The following TRDN variants were observed in gnomAD, a reference collection of about 807,000 sequenced individuals.
TRDN encodes triadin in skeletal muscle.
Under a neutral mutation model 149.7 loss-of-function variants are expected in TRDN, and 161 were observed. The ratio of observed to expected loss-of-function variants is 1.08; its 90% CI spans 0.95 to 1.23. The LOEUF (loss-of-function observed/expected upper bound fraction) is 1.23. Among genes scored for constraint, TRDN ranks in the 50% most tolerant of loss-of-function variants. The pLI, the probability that TRDN is intolerant of heterozygous loss-of-function variation, is 0.00. For synonymous variants in TRDN, 294 were observed against 250.5 expected (o/e 1.17, Z -1.64); for missense variants, 896 against 823.5 (o/e 1.09, Z -1.08).
chr6:123,297,359 T>C (rs997300175), intron 24 of TRDN, among the ~76,000 whole-genome samples: 5 of 152,094 alleles, frequency 3.3e-5, no homozygotes, highest in African/African-American at 1.2e-4. Flanking sequence ...TTGAAGAGAC[T>C]GTTTAGTAGC....
chr6:123,319,631 C>T (rs2114705128), intron 23 of TRDN, among the ~76,000 whole-genome samples: 1 of 152,176 alleles, frequency 6.6e-6, no homozygotes, highest in East Asian at 1.9e-4. Flanking sequence ...ATTCTGTCTT[C>T]ACTGTTTAAT....
At chr6:123,513,667 A>G (rs898523179) in intron 6 of TRDN, among the ~76,000 whole-genome samples, 1 of 152,200 alleles carries the variant, frequency 6.6e-6, no homozygotes, top group South Asian at 2.1e-4. Context: ...AAAATAAGAA[A>G]ATAAACATGA....
chr6:123,574,893 TACAC>T (rs1321883957), intron 1 of TRDN, among the ~76,000 whole-genome samples: 1 of 94,030 alleles, frequency 1.1e-5, no homozygotes, highest in African/African-American at 6.2e-5. Context: ...TATATATATA[TACAC>T]ACATTTTCCT....
intron 5 of TRDN, among the ~76,000 whole-genome samples, chr6:123,517,151 T>C (rs1562359725): frequency 6.6e-6 from 1 of 152,028 alleles, no homozygotes; most frequent in Admixed American, 6.6e-5. Flanking sequence ...AGAAAATATG[T>C]AAGGTGGAAT....
At chr6:123,402,493 GT>G (rs1213106659) in intron 12 of TRDN, among the ~76,000 whole-genome samples, 1 of 152,106 alleles carries the variant, frequency 6.6e-6, no homozygotes, top group Non-Finnish European at 1.5e-5. Flanking sequence ...TTGTTTAAAG[GT>G]TTTATTTTAA....
At chr6:123,293,801 T>A (rs1011680466) in intron 24 of TRDN, among the ~76,000 whole-genome samples, 1 of 145,446 alleles carries the variant, frequency 6.9e-6, no homozygotes, top group East Asian at 2.8e-4. Context: ...AGCTTTCCCC[T>A]GTACATCAAA....
rs148470534 is a variant in TRDN at position 123,505,151 on chromosome 6, G to A, written c.611-1250C>T. The stretch of plus-strand genomic sequence containing the variant: ...CCCAGCTACTCAGGAGGCTGAGGCA[G>A]GAGAATCATTTGAACCAGGGAAGCG... On this transcript the variant is annotated intron_variant, in intron 7 of 40. Transcript: ENST00000334268. Among the ~76,000 whole-genome samples the A allele has an allele frequency of 2.1e-3, 308 of 148,824 alleles. 3 individuals carry two copies. Among genetic ancestry groups the A allele is most frequent in the African/African-American group, 7.4e-3 (299 of 40,240 alleles).
At chr6:123,239,735 A>C (rs1222626863) in intron 38 of TRDN, among the ~76,000 whole-genome samples, 2 of 152,068 alleles carry the variant, frequency 1.3e-5, no homozygotes, top group African/African-American at 2.4e-5. Context: ...AGTTTGTGGG[A>C]TGCTGCTGAA....
At chr6:123,601,955 G>A (rs1784300893) in intron 1 of TRDN, among the ~76,000 whole-genome samples, 1 of 152,018 alleles carries the variant, frequency 6.6e-6, no homozygotes, top group African/African-American at 2.4e-5. Flanking sequence ...GAAAATGGTG[G>A]TATCAAGACT....
intron 27 of TRDN, among the ~76,000 whole-genome samples, chr6:123,273,772 T>C (rs1777281223): frequency 6.6e-6 from 1 of 152,044 alleles, no homozygotes; most frequent in African/African-American, 2.4e-5. Context: ...CTTGATTTGT[T>C]GATATTGAAG....
rs534886319 is a variant in TRDN at position 123,257,792 on chromosome 6, T to A, written c.1870+1832A>T. 3.2e-4 allele frequency among the ~76,000 whole-genome samples: 49 copies of A among 152,354 alleles called. 1 individual carries two copies. The highest frequency in any genetic ancestry group is 3.2e-3 in the Admixed American group (49 of 15,300). The stretch of plus-strand genomic sequence containing the variant: ...GCATGGAAGGTTTTCCATTTGTTTG[T>A]GTCCTCTTTTATTTCCTTGAGCAGT... On this transcript the variant is annotated intron_variant, in intron 35 of 40. Coordinates refer to ENST00000334268, the MANE Select transcript of TRDN (RefSeq NM_006073.4).
intron 23 of TRDN, among the ~76,000 whole-genome samples, chr6:123,319,116 A>G (rs1413191362): frequency 6.6e-6 from 1 of 152,090 alleles, no homozygotes. Context: ...TGGAGAAAAT[A>G]ATGTAAAATT....
intron 16 of TRDN, among the ~76,000 whole-genome samples, chr6:123,380,153 T>G (rs1355119023): frequency 6.6e-6 from 1 of 152,060 alleles, no homozygotes; most frequent in Non-Finnish European, 1.5e-5. Context: ...GCTGCCCGAG[T>G]CACAATCTGA....
In TRDN at chr6:123,435,452, A is replaced by G. The variant is rs188683975; in HGVS notation, c.1051+2611T>C. On this transcript the variant is annotated intron_variant, in intron 12 of 40. Coordinates refer to ENST00000334268, the MANE Select transcript of TRDN (RefSeq NM_006073.4). ...TATAAAGAATTATTAAACCCTAAAA[A>G]GAAACGAGTTAAAAACTAGCACTAA... 3.9e-5 allele frequency among the ~76,000 whole-genome samples: 6 copies of G among 152,140 alleles called. No homozygotes were observed. The East Asian group carries it at 1.2e-3, about 29-fold the overall frequency.
intron 1 of TRDN, among the ~76,000 whole-genome samples, chr6:123,608,125 T>C (rs1784605946): frequency 2.0e-5 from 3 of 152,156 alleles, no homozygotes; most frequent in Admixed American, 6.6e-5. Flanking sequence ...ATACTTCAAA[T>C]GGGCAACCTT....
intron 5 of TRDN, among the ~76,000 whole-genome samples, chr6:123,526,294 A>C (rs1382391417): frequency 6.6e-6 from 1 of 152,004 alleles, no homozygotes. Flanking sequence ...GTATCTAGGA[A>C]CTGATAGATA....
chr6:123,457,564 T>A (rs1254755431), intron 10 of TRDN: 3 of 294,094 alleles, frequency 1.0e-5, no homozygotes, highest in Middle Eastern at 4.9e-4. Flanking sequence ...TTCATTTTCC[T>A]TTTTTTTTCT....
chr6:123,252,474 T>C, intron 37 of TRDN, 39 bp from the exon 38 acceptor site: 2 of 1,176,180 alleles, frequency 1.7e-6, no homozygotes, highest in Non-Finnish European at 2.4e-6. Flanking sequence ...TTAACTGAGA[T>C]AAAATGCAAG....
chr6:123,518,333 G>T (rs1425628964), intron 5 of TRDN, among the ~76,000 whole-genome samples: 1 of 152,132 alleles, frequency 6.6e-6, no homozygotes, highest in Admixed American at 6.6e-5. Context: ...GTTTATTTTG[G>T]TTCCTTTGAA....
Sources: gnomAD v4.1 joint callset for allele counts (sites outside exome capture counted in the v4.1 genomes callset) on GRCh38, gnomAD v4.1.1 for gene constraint, MANE v1.5 for transcripts, NCBI Gene and HGNC (gene_info 2026-07-23, HGNC 2026-07-21) for gene names.